Variants in SLC36A1 observed in about 807,000 individuals in gnomAD.
The protein encoded by SLC36A1 is solute carrier family 36 member 1.
Under a neutral mutation model 47.5 loss-of-function variants are expected in SLC36A1, and 30 were observed. That is an observed-to-expected ratio of 0.63 (90% CI 0.47 to 0.86). The LOEUF (loss-of-function observed/expected upper bound fraction) is 0.86, where lower values mean the gene tolerates loss of function less well. Ranked by LOEUF, SLC36A1 falls within the 40% of genes least tolerant of loss-of-function variation. The pLI is 0.00. For synonymous variants in SLC36A1, 255 were observed against 249.7 expected (o/e 1.02, Z -0.20); for missense variants, 517 against 606.0 (o/e 0.85, Z 1.54).
chr5:151,485,246 G>A (rs1366788074), intron 10 of SLC36A1, among the ~76,000 whole-genome samples: 1 of 152,156 alleles, frequency 6.6e-6, no homozygotes, highest in Non-Finnish European at 1.5e-5. Flanking sequence ...TGAGATCGGT[G>A]AAGATGTTAA....
At chr5:151,380,793 G>A in the SLC36A1 span, 1 of 517,418 alleles carries the variant, frequency 1.9e-6, no homozygotes, top group South Asian at 1.5e-5. Context: ...AGGCCTCTGG[G>A]AAGACAGGAA....
the SLC36A1 span, among the ~76,000 whole-genome samples, chr5:151,428,796 C>T: frequency 5.9e-4 from 90 of 152,314 alleles, no homozygotes; most frequent in African/African-American, 1.9e-3. Context: ...TCACACCCAG[C>T]TAATTTTTGT....
the SLC36A1 span, chr5:151,382,263 T>C: frequency 7.5e-7 from 1 of 1,328,482 alleles, no homozygotes; most frequent in Non-Finnish European, 1.1e-6. Context: ...GCCTGGGAGC[T>C]ACATAGCACA....
chr5:151,513,842 TCA>T, the SLC36A1 span, among the ~76,000 whole-genome samples: 1 of 152,238 alleles, frequency 6.6e-6, no homozygotes, highest in African/African-American at 2.4e-5. Flanking sequence ...TTTAAATATC[TCA>T]GTTTTAATGT....
At chr5:151,401,915 T>C in the SLC36A1 span, among the ~76,000 whole-genome samples, 4 of 152,220 alleles carry the variant, frequency 2.6e-5, no homozygotes, top group African/African-American at 9.6e-5. Flanking sequence ...GTTTTCTATG[T>C]GTAGAATCAT....
chr5:151,359,291 C>T, the SLC36A1 span, among the ~76,000 whole-genome samples: 6 of 152,224 alleles, frequency 3.9e-5, no homozygotes, highest in South Asian at 1.0e-3. Flanking sequence ...GCTACCCCCA[C>T]TCAACCTATA....
the SLC36A1 span, chr5:151,544,294 G>C: frequency 6.2e-7 from 1 of 1,614,204 alleles, no homozygotes; most frequent in Non-Finnish European, 8.5e-7. Context: ...GATGGAAGTG[G>C]TATAGACCAA....
chr5:151,381,801 A>G, the SLC36A1 span, among the ~76,000 whole-genome samples: 1 of 152,160 alleles, frequency 6.6e-6, no homozygotes, highest in Non-Finnish European at 1.5e-5. Context: ...CCCGCCCCCT[A>G]CCCACCATGT....
chr5:151,397,733 C>T, the SLC36A1 span, among the ~76,000 whole-genome samples: 4 of 127,808 alleles, frequency 3.1e-5, no homozygotes, highest in Non-Finnish European at 4.6e-5. Flanking sequence ...CATCCCACTC[C>T]AGCCTGGGCA....
upstream of SLC36A1, among the ~76,000 whole-genome samples, chr5:151,434,298 G>A (rs570082108): frequency 5.9e-5 from 9 of 152,270 alleles, no homozygotes; most frequent in South Asian, 1.9e-3. Flanking sequence ...TATGTACAAG[G>A]AGAAAGATAC....
At chr5:151,346,019 A>G in the SLC36A1 span, among the ~76,000 whole-genome samples, 1 of 152,060 alleles carries the variant, frequency 6.6e-6, no homozygotes, top group Non-Finnish European at 1.5e-5. Context: ...GGGTGAGCCA[A>G]CCCCATCGTT....
the SLC36A1 span, among the ~76,000 whole-genome samples, chr5:151,350,151 C>T: frequency 1.3e-5 from 2 of 152,200 alleles, no homozygotes; most frequent in East Asian, 1.9e-4. Flanking sequence ...CCCCCGGCCC[C>T]GGGTACCTCC....
chr5:151,457,114 C>T (rs1754652143), intron 1 of SLC36A1, among the ~76,000 whole-genome samples: 1 of 152,012 alleles, frequency 6.6e-6, no homozygotes, highest in Admixed American at 6.6e-5. Flanking sequence ...TCACTTGGTT[C>T]TTGAAGAGCA....
chr5:151,528,818 C>G, the SLC36A1 span, among the ~76,000 whole-genome samples: 1 of 152,300 alleles, frequency 6.6e-6, no homozygotes, highest in East Asian at 1.9e-4. Flanking sequence ...TGCCCCACAA[C>G]TGTCATTCCA....
At chr5:151,523,706 G>C in the SLC36A1 span, among the ~76,000 whole-genome samples, 1 of 152,160 alleles carries the variant, frequency 6.6e-6, no homozygotes, top group African/African-American at 2.4e-5. Context: ...TCACATCCAT[G>C]CTCTTGGCTT....
the SLC36A1 span, chr5:151,544,095 G>A: frequency 6.2e-7 from 1 of 1,614,236 alleles, no homozygotes; most frequent in South Asian, 1.1e-5. Flanking sequence ...TCACATGAAA[G>A]TGTTGTTGGG....
the SLC36A1 span, among the ~76,000 whole-genome samples, chr5:151,374,708 A>C: frequency 6.6e-6 from 1 of 152,204 alleles, no homozygotes; most frequent in African/African-American, 2.4e-5. Context: ...ATGTATTAGC[A>C]TTCCTTTTAT....
chr5:151,433,899 T>A (rs1759617027), upstream of SLC36A1, among the ~76,000 whole-genome samples: 1 of 148,896 alleles, frequency 6.7e-6, no homozygotes, highest in East Asian at 2.1e-4. Context: ...TCAAGGGACT[T>A]GGAAAAAAAG....
intron 6 of SLC36A1, 65 bp from the exon 7 acceptor site, chr5:151,467,642 C>A: frequency 1.5e-6 from 2 of 1,355,730 alleles, no homozygotes; most frequent in Non-Finnish European, 2.1e-6. Context: ...CCTCTTCCAG[C>A]AGAGGATCCA....
Sources: gnomAD v4.1 joint callset for allele counts (sites outside exome capture counted in the v4.1 genomes callset) on GRCh38, gnomAD v4.1.1 for gene constraint, MANE v1.5 for transcripts, NCBI Gene and HGNC (gene_info 2026-07-23, HGNC 2026-07-21) for gene names.